The following FBXL20 variants were observed in gnomAD, a reference collection of about 807,000 sequenced individuals.
The protein encoded by FBXL20 is F-box/LRR-repeat protein 20.
FBXL20 carries 11 observed loss-of-function variants against 64.0 expected under a neutral mutation model. The observed-to-expected ratio is 0.17, with a 90% CI of 0.11 to 0.28. FBXL20 has a LOEUF of 0.28. FBXL20 is among the 10% of genes least tolerant of loss of function. FBXL20 has a pLI of 1.00. For synonymous variants in FBXL20, 184 were observed against 189.0 expected (o/e 0.97, Z 0.22); for missense variants, 303 against 526.2 (o/e 0.58, Z 4.15).
At chr17:39,348,192 G>A (rs1156718484) in intron 1 of FBXL20, among the ~76,000 whole-genome samples, 2 of 151,996 alleles carry the variant, frequency 1.3e-5, no homozygotes, top group Admixed American at 1.3e-4. Flanking sequence ...GCTGAGCGCG[G>A]TGGCTCACGC....
At chr17:39,354,785 T>C (rs886697857) in intron 1 of FBXL20, among the ~76,000 whole-genome samples, 6 of 152,202 alleles carry the variant, frequency 3.9e-5, no homozygotes, top group African/African-American at 1.2e-4. Context: ...ATATGAATGA[T>C]ATCAGCACAG....
chr17:39,348,509 C>T (rs1343170037), intron 1 of FBXL20, among the ~76,000 whole-genome samples: 1 of 151,904 alleles, frequency 6.6e-6, no homozygotes, highest in Non-Finnish European at 1.5e-5. Flanking sequence ...CCAGGCTGGT[C>T]TGAAACTCCT....
chr17:39,283,166 G>C (rs536439570), intron 7 of FBXL20, among the ~76,000 whole-genome samples: 1 of 152,104 alleles, frequency 6.6e-6, no homozygotes, highest in African/African-American at 2.4e-5. Context: ...GAAATTAAGT[G>C]ATTTATTCTA....
intron 4 of FBXL20, among the ~76,000 whole-genome samples, chr17:39,300,697 C>G (rs922156868): frequency 1.3e-5 from 2 of 152,128 alleles, no homozygotes; most frequent in Non-Finnish European, 2.9e-5. Context: ...AATGTCTTCA[C>G]TAAAATAAAC....
intron 2 of FBXL20, among the ~76,000 whole-genome samples, chr17:39,333,013 G>A (rs1266268998): frequency 6.6e-6 from 1 of 151,168 alleles, no homozygotes; most frequent in African/African-American, 2.4e-5. Context: ...ATGTTACCCA[G>A]GCTGGTCTCT....
chr17:39,358,683 AAAAAAAAC>A (rs576688729), intron 1 of FBXL20, among the ~76,000 whole-genome samples: 25 of 152,056 alleles, frequency 1.6e-4, no homozygotes, highest in African/African-American at 3.4e-4. Context: ...CTCTGTCTCA[AAAAAAAAC>A]AAAAAAACAA....
rs546626856 is a variant in FBXL20, at chr17:39,272,310, C to G, written c.828-1454G>C. ...TTGAGGCAGGACAATCACTTGAACC[C>G]AGGAGGCGGAGTTTGCAGTGAGCTG... On this transcript the variant is annotated intron_variant, in intron 10 of 14. Transcript: ENST00000264658. Among the ~76,000 whole-genome samples, 93 of 151,242 alleles carry G rather than the reference C, an allele frequency of 6.1e-4. 1 individual carries two copies. The highest frequency in any genetic ancestry group is 7.7e-4 in the Non-Finnish European group (52 of 67,922).
rs140092513 is a variant in FBXL20 at position 39,309,130 on chromosome 17, T to A, written c.105-5491A>T. Among the ~76,000 whole-genome samples the A allele has an allele frequency of 2.7e-3, 411 of 152,270 alleles. 2 individuals are homozygous for A. Among genetic ancestry groups the A allele is most frequent in the African/African-American group, 9.3e-3 (388 of 41,558 alleles). Reference sequence around the variant, plus strand: ...CTATTCTTGTTGCACTTTATGCAAATAATCAGGCCAGATATAATAGGACTA... The same window carrying A: ...CTATTCTTGTTGCACTTTATGCAAAAAATCAGGCCAGATATAATAGGACTA... On this transcript the variant is annotated intron_variant, in intron 2 of 14. Transcript: ENST00000264658.
chr17:39,302,173 TCTCA>T (rs1039656730), intron 3 of FBXL20, among the ~76,000 whole-genome samples: 17 of 151,966 alleles, frequency 1.1e-4, no homozygotes, highest in East Asian at 7.7e-4. Flanking sequence ...ATTGCTCTAT[TCTCA>T]CTCTCTTTTT....
At chr17:39,374,228 GA>G (rs1373967297) in intron 1 of FBXL20, among the ~76,000 whole-genome samples, 1 of 142,040 alleles carries the variant, frequency 7.0e-6, no homozygotes, top group East Asian at 2.1e-4. Context: ...ACGTCTCAAA[GA>G]AAAAAAGAAA....
At chr17:39,303,238 G>C (rs1239408339) in intron 3 of FBXL20, among the ~76,000 whole-genome samples, 1 of 136,626 alleles carries the variant, frequency 7.3e-6, no homozygotes, top group Non-Finnish European at 1.5e-5. Flanking sequence ...GATTAAAATT[G>C]TCCTTGTGTA....
At chr17:39,388,071 C>T (rs1236077683) in intron 1 of FBXL20, among the ~76,000 whole-genome samples, 1 of 152,140 alleles carries the variant, frequency 6.6e-6, no homozygotes, top group Non-Finnish European at 1.5e-5. Context: ...ATTGAGACCA[C>T]TTATAATGCA....
chr17:39,352,046 C>T (rs1298873350), intron 1 of FBXL20, among the ~76,000 whole-genome samples: 1 of 152,162 alleles, frequency 6.6e-6, no homozygotes, highest in Non-Finnish European at 1.5e-5. Context: ...TGTGTGTGCA[C>T]GCGCGTGCAC....
chr17:39,348,551 CAA>C (rs1344414142), intron 1 of FBXL20, among the ~76,000 whole-genome samples: 1 of 152,142 alleles, frequency 6.6e-6, no homozygotes, highest in Admixed American at 6.5e-5. Flanking sequence ...CTCAGCCTTC[CAA>C]AGTGTTGGGA....
At chr17:39,343,771 C>G (rs1041480390) in intron 1 of FBXL20, among the ~76,000 whole-genome samples, 1 of 151,570 alleles carries the variant, frequency 6.6e-6, no homozygotes, top group Non-Finnish European at 1.5e-5. Flanking sequence ...TCTCAGCTCA[C>G]TGCAACCTCC....
chr17:39,368,492 A>G (rs958671887), intron 1 of FBXL20, among the ~76,000 whole-genome samples: 1 of 152,140 alleles, frequency 6.6e-6, no homozygotes, highest in Non-Finnish European at 1.5e-5. Context: ...ACCTTTTCCT[A>G]CCAAGTCCTA....
chr17:39,288,829 C>T (rs547723897), intron 6 of FBXL20, among the ~76,000 whole-genome samples: 2 of 152,228 alleles, frequency 1.3e-5, no homozygotes, highest in African/African-American at 4.8e-5. Context: ...CTGCCTCAGC[C>T]TCCAGAGTAG....
intron 1 of FBXL20, among the ~76,000 whole-genome samples, chr17:39,368,423 A>C (rs1163593867): frequency 1.3e-5 from 2 of 152,068 alleles, no homozygotes; most frequent in Non-Finnish European, 2.9e-5. Context: ...AAGAATGAAA[A>C]AGAAAGACAT....
At chr17:39,315,195 TCCTTGACAACACTTTTTGATTAC>T (rs1376010767) in intron 2 of FBXL20, among the ~76,000 whole-genome samples, 1 of 151,950 alleles carries the variant, frequency 6.6e-6, no homozygotes, top group Admixed American at 6.6e-5. Context: ...GGCCTCCACA[TCCTTGACAACACTTTTTGATTAC>T]AGACATCCTA....
Sources: gnomAD v4.1 joint callset for allele counts (sites outside exome capture counted in the v4.1 genomes callset) on GRCh38, gnomAD v4.1.1 for gene constraint, MANE v1.5 for transcripts, NCBI Gene and HGNC (gene_info 2026-07-23, HGNC 2026-07-21) for gene names.